FARS2: variants seen among roughly 807,000 people sequenced by gnomAD.
FARS2 encodes the protein phenylalanine--tRNA ligase, mitochondrial.
In FARS2, 40 loss-of-function variants were observed where a neutral mutation model predicts 46.4. That is an observed-to-expected ratio of 0.86 (90% CI 0.67 to 1.12). The LOEUF (loss-of-function observed/expected upper bound fraction) is 1.12, where lower values mean the gene tolerates loss of function less well. Among genes scored for constraint, FARS2 ranks in the 50% most tolerant of loss-of-function variants. The pLI is 0.00. For synonymous variants in FARS2, 234 were observed against 214.9 expected (o/e 1.09, Z -0.78); for missense variants, 513 against 567.9 (o/e 0.90, Z 0.98).
chr6:5,378,819 G>A (rs536785884), intron 2 of FARS2, among the ~76,000 whole-genome samples: 1 of 152,304 alleles, frequency 6.6e-6, no homozygotes, highest in African/African-American at 2.4e-5. Flanking sequence ...CTGTTCACAT[G>A]TTTACGTAGT....
At chr6:5,339,522 G>T (rs1771406710) in intron 1 of FARS2, among the ~76,000 whole-genome samples, 1 of 151,714 alleles carries the variant, frequency 6.6e-6, no homozygotes, top group African/African-American at 2.4e-5. Flanking sequence ...TTGACCTCCT[G>T]GGCTCAAGTG....
intron 1 of FARS2, among the ~76,000 whole-genome samples, chr6:5,268,247 G>A (rs1168234276): frequency 3.3e-5 from 5 of 151,442 alleles, no homozygotes; most frequent in African/African-American, 1.2e-4. Context: ...TGTTGCCATT[G>A]CTTTTGGTGT....
intron 5 of FARS2, among the ~76,000 whole-genome samples, chr6:5,551,888 A>G (rs1771393685): frequency 6.6e-6 from 1 of 151,916 alleles, no homozygotes; most frequent in South Asian, 2.1e-4. Flanking sequence ...TCTTCGAAGG[A>G]CTCTTCTGAT....
At chr6:5,667,842 T>C (rs1034319861) in intron 6 of FARS2, among the ~76,000 whole-genome samples, 1 of 152,232 alleles carries the variant, frequency 6.6e-6, no homozygotes, top group African/African-American at 2.4e-5. Flanking sequence ...ATCTTAACTT[T>C]AGTGGGTTGA....
intron 1 of FARS2, among the ~76,000 whole-genome samples, chr6:5,357,260 T>A (rs902544664): frequency 6.6e-6 from 1 of 152,244 alleles, no homozygotes; most frequent in African/African-American, 2.4e-5. Flanking sequence ...AAATGGTATC[T>A]TTTCTTAGCT....
chr6:5,739,483 GT>G (rs1190166441), intron 6 of FARS2, among the ~76,000 whole-genome samples: 4 of 152,158 alleles, frequency 2.6e-5, no homozygotes, highest in Non-Finnish European at 5.9e-5. Flanking sequence ...GCAGTGGATT[GT>G]TTTTTATGTT....
chr6:5,734,745 A>G (rs1028937653), intron 6 of FARS2, among the ~76,000 whole-genome samples: 15 of 152,220 alleles, frequency 9.9e-5, no homozygotes, highest in Non-Finnish European at 1.9e-4. Context: ...AGTTCATTAG[A>G]GCCTGGAGAG....
At chr6:5,522,075 C>T (rs1469244534) in intron 4 of FARS2, among the ~76,000 whole-genome samples, 1 of 152,210 alleles carries the variant, frequency 6.6e-6, no homozygotes, top group Non-Finnish European at 1.5e-5. Flanking sequence ...TAGGCCGCTT[C>T]TGTGCTAACA....
chr6:5,591,109 G>A (rs1582524740), intron 5 of FARS2, among the ~76,000 whole-genome samples: 1 of 152,176 alleles, frequency 6.6e-6, no homozygotes, highest in Non-Finnish European at 1.5e-5. Flanking sequence ...CTTTGGGGAT[G>A]GATGAGGGAA....
chr6:5,738,921 C>T (rs1020461524), intron 6 of FARS2, among the ~76,000 whole-genome samples: 4 of 152,042 alleles, frequency 2.6e-5, no homozygotes, highest in Non-Finnish European at 4.4e-5. Flanking sequence ...TATTTAACAG[C>T]CAGCGCAGCC....
chr6:5,521,440 G>A (rs1769128801), intron 4 of FARS2, among the ~76,000 whole-genome samples: 1 of 152,072 alleles, frequency 6.6e-6, no homozygotes, highest in African/African-American at 2.4e-5. Context: ...GGGAAAGGCA[G>A]GGGCTCTTTA....
the FARS2 span, among the ~76,000 whole-genome samples, chr6:5,254,324 C>T: frequency 1.2e-4 from 19 of 152,296 alleles, no homozygotes; most frequent in South Asian, 1.0e-3. Flanking sequence ...GAAAACGCTT[C>T]CTTGACTAGC....
intron 6 of FARS2, among the ~76,000 whole-genome samples, chr6:5,677,651 C>T (rs1271123122): frequency 6.6e-6 from 1 of 152,208 alleles, no homozygotes; most frequent in East Asian, 1.9e-4. Flanking sequence ...CTACCCAGCC[C>T]ATGCAAAGCC....
chr6:5,644,514 G>A (rs936415640), intron 6 of FARS2, among the ~76,000 whole-genome samples: 1 of 152,068 alleles, frequency 6.6e-6, no homozygotes, highest in African/African-American at 2.4e-5. Flanking sequence ...TGCCTGGCCT[G>A]TTGTTTCCTT....
At chr6:5,570,419 T>C (rs1772573677) in intron 5 of FARS2, among the ~76,000 whole-genome samples, 1 of 152,234 alleles carries the variant, frequency 6.6e-6, no homozygotes, top group South Asian at 2.1e-4. Flanking sequence ...CTTCTCTTTA[T>C]TTCACTCTTC....
At chr6:5,342,943 G>C (rs545315358) in intron 1 of FARS2, among the ~76,000 whole-genome samples, 1 of 152,124 alleles carries the variant, frequency 6.6e-6, no homozygotes, top group South Asian at 2.1e-4. Flanking sequence ...TCAAATACTG[G>C]GAAAGAGTTC....
chr6:5,699,957 T>A (rs1340038207), intron 6 of FARS2, among the ~76,000 whole-genome samples: 1 of 152,098 alleles, frequency 6.6e-6, no homozygotes, highest in Non-Finnish European at 1.5e-5. Context: ...CCACCTATAG[T>A]GTGGCTCCCA....
chr6:5,513,950 TC>T (rs1463022522), intron 4 of FARS2, among the ~76,000 whole-genome samples: 1 of 152,088 alleles, frequency 6.6e-6, no homozygotes, highest in African/African-American at 2.4e-5. Flanking sequence ...CAACTATTGA[TC>T]CAGCCAAATG....
intron 2 of FARS2, among the ~76,000 whole-genome samples, chr6:5,401,327 T>C (rs1023749242): frequency 1.9e-4 from 29 of 152,176 alleles, no homozygotes; most frequent in Non-Finnish European, 1.5e-5. Flanking sequence ...TGGTTGCTTT[T>C]ATACTTAAAA....
Sources: gnomAD v4.1 joint callset for allele counts (sites outside exome capture counted in the v4.1 genomes callset) on GRCh38, gnomAD v4.1.1 for gene constraint, MANE v1.5 for transcripts, NCBI Gene and HGNC (gene_info 2026-07-23, HGNC 2026-07-21) for gene names.